BPTF: variants seen among roughly 807,000 people sequenced by gnomAD.
BPTF encodes bromodomain PHD finger transcription factor.
Under a neutral mutation model 292.5 loss-of-function variants are expected in BPTF, and 18 were observed. The ratio of observed to expected loss-of-function variants is 0.06; its 90% CI spans 0.04 to 0.09. BPTF has a LOEUF of 0.09. BPTF is among the 10% of genes least tolerant of loss of function. The probability of loss-of-function intolerance (pLI) is 1.00; values close to 1 mark genes in which losing one functional copy is unlikely to be tolerated. For missense variants in BPTF, 2,726 were observed against 3,498.7 expected (o/e 0.78, Z 5.57); for synonymous variants, 1,225 against 1,251.9 (o/e 0.98, Z 0.45).
Position 67,964,330 on chromosome 17 carries a change from G to A in BPTF, c.8380G>A (p.Asp2794Asn). 6.2e-7 allele frequency: 1 copy of A among 1,614,202 alleles called. No individual in the cohort carries two copies. Among genetic ancestry groups the A allele is most frequent in the Non-Finnish European group, 8.5e-7 (1 of 1,180,042 alleles). The change falls in exon 25 of 28, where the codon GAT becomes AAT. Residue 2794 changes from aspartate (D) to asparagine (N), a missense_variant. Physicochemically the swap from Asp to Asn is conservative, Grantham distance 23 (BLOSUM62 1). Transcript: ENST00000306378. ...YVCPQCQSTE[D>N]AMTVLTPLTE... ...CTGTCCACAGTGCCAGTCAACAGAGGATGCCATGACAGTGCTCACGCCACT... is the reference window on the plus strand; with the variant it reads ...CTGTCCACAGTGCCAGTCAACAGAGAATGCCATGACAGTGCTCACGCCACT...
intron 2 of BPTF, among the ~76,000 whole-genome samples, chr17:67,865,528 T>C (rs955594156): frequency 9.2e-5 from 14 of 152,184 alleles, no homozygotes; most frequent in African/African-American, 3.4e-4. Flanking sequence ...TGTCCACATA[T>C]CTTACAAGCA....
chr17:67,944,516 C>A, intron 20 of BPTF, 144 bp downstream of exon 20: 1 of 877,110 alleles, frequency 1.1e-6, no homozygotes, highest in Non-Finnish European at 1.7e-6. Context: ...GTCAGCCTCA[C>A]AACGTCTCGA....
chr17:67,853,415 G>A (rs1011177895), intron 1 of BPTF, among the ~76,000 whole-genome samples: 9 of 152,102 alleles, frequency 5.9e-5, no homozygotes, highest in Admixed American at 6.5e-5. Context: ...ACTCCACTTA[G>A]GAGGTACTTC....
At chr17:67,857,038 A>G (rs1281131011) in intron 2 of BPTF, among the ~76,000 whole-genome samples, 1 of 151,956 alleles carries the variant, frequency 6.6e-6, no homozygotes, top group East Asian at 1.9e-4. Flanking sequence ...GTTTGAGATC[A>G]GGCTTTCTTG....
intron 1 of BPTF, among the ~76,000 whole-genome samples, chr17:67,841,077 C>G (rs1599859): frequency 0.3 from 46,317 of 151,942 alleles, 8,419 homozygotes; most frequent in East Asian, 0.66. Flanking sequence ...TAACAACTCT[C>G]CCTAATCCAG....
At chr17:67,852,964 C>T (rs546130088) in intron 1 of BPTF, among the ~76,000 whole-genome samples, 18 of 152,290 alleles carry the variant, frequency 1.2e-4, no homozygotes, top group African/African-American at 4.1e-4. Context: ...GGTGAAACCC[C>T]ATCTCTACTA....
At position 67,912,555 on chromosome 17, in the gene BPTF, C is replaced by G; in HGVS notation, c.4671C>G (p.Leu1557=). The change falls in exon 11 of 28, where the codon CTC becomes CTG. Residue 1557 remains leucine, a synonymous_variant. Coordinates refer to ENST00000306378, the MANE Select transcript of BPTF (RefSeq NM_182641.4). ...SPITSEEESN[L]SNDFIDENGL... Reference sequence around the variant, plus strand: ...TTACTTCTGAAGAGGAATCTAATCTCAGTAATGACTTTATTGATGAAAATG... The same window carrying G: ...TTACTTCTGAAGAGGAATCTAATCTGAGTAATGACTTTATTGATGAAAATG... 1 of 1,613,858 alleles carries G rather than the reference C, an allele frequency of 6.2e-7. No homozygotes were observed. Among genetic ancestry groups the G allele is most frequent in the Non-Finnish European group, 8.5e-7 (1 of 1,179,908 alleles).
chr17:67,855,045 A>G lies in BPTF; in HGVS notation c.1436+283A>G, dbSNP rs2058609766. Among the ~76,000 whole-genome samples the G allele has an allele frequency of 2.6e-5, 4 of 152,198 alleles. No homozygotes were observed. In the South Asian group the frequency reaches 8.3e-4, roughly 31 times the overall value. On this transcript the variant is annotated intron_variant, in intron 2 of 27. Transcript: ENST00000306378. Reference sequence around the variant, plus strand: ...ACTGGGCACAGCAGCTCACGCCTGTAATCCCAGCACTTTGGGAGGCCAAGG... The same window carrying G: ...ACTGGGCACAGCAGCTCACGCCTGTGATCCCAGCACTTTGGGAGGCCAAGG...
intron 15 of BPTF, among the ~76,000 whole-genome samples, chr17:67,926,967 T>A (rs62085992): frequency 0.19 from 28,282 of 152,040 alleles, 3,642 homozygotes; most frequent in East Asian, 0.66. Context: ...CTCTAAGAGT[T>A]GAAAACTAAG....
intron 3 of BPTF, 131 bp downstream of exon 3, chr17:67,866,818 A>C: frequency 1.5e-6 from 1 of 671,694 alleles, no homozygotes; most frequent in South Asian, 1.9e-5. Flanking sequence ...ATGGGGATAC[A>C]TTCTGAAAAA....
chr17:67,902,837 A>G (rs923321281), intron 7 of BPTF, among the ~76,000 whole-genome samples: 8 of 152,236 alleles, frequency 5.3e-5, no homozygotes, highest in African/African-American at 1.7e-4. Flanking sequence ...AGAGCTGTGC[A>G]TGAGAAATTG....
chr17:67,926,256 A>G (rs984398644), intron 15 of BPTF, among the ~76,000 whole-genome samples: 2 of 149,178 alleles, frequency 1.3e-5, no homozygotes, highest in Admixed American at 6.7e-5. Flanking sequence ...CGATCTGCCT[A>G]CCAGGGCCTC....
chr17:67,891,764 A>G (rs1310750459), intron 4 of BPTF, 80 bp from the exon 5 acceptor site: 25 of 1,101,846 alleles, frequency 2.3e-5, no homozygotes, highest in Admixed American at 3.2e-5. Flanking sequence ...CATACACCAG[A>G]TACGAGTTTT....
intron 10 of BPTF, 101 bp downstream of exon 10, chr17:67,909,862 C>T (rs2062533118): frequency 1.0e-6 from 1 of 975,768 alleles, no homozygotes; most frequent in Non-Finnish European, 1.4e-6. Context: ...TTCTTGATAA[C>T]AGCTTTATCA....
At chr17:67,961,670 G>GTCTGGGCAACATTTTGT (rs2067504813) in intron 24 of BPTF, among the ~76,000 whole-genome samples, 1 of 152,026 alleles carries the variant, frequency 6.6e-6, no homozygotes, top group African/African-American at 2.4e-5. Context: ...AACATAGAGA[G>GTCTGGGCAACATTTTGT]ACCCCGTCTG....
intron 27 of BPTF, among the ~76,000 whole-genome samples, chr17:67,977,112 A>G (rs76206641): frequency 0.044 from 6,637 of 152,318 alleles, 185 homozygotes; most frequent in South Asian, 0.13. Flanking sequence ...AGAAAAAATG[A>G]TTGTCAGCCT....
intron 9 of BPTF, among the ~76,000 whole-genome samples, chr17:67,906,627 C>T (rs1481274748): frequency 6.6e-6 from 1 of 152,202 alleles, no homozygotes; most frequent in Non-Finnish European, 1.5e-5. Flanking sequence ...CTATCCTGCT[C>T]TTGACAGGAT....
At chr17:67,967,536 A>G (rs947136796) in intron 26 of BPTF, among the ~76,000 whole-genome samples, 1 of 150,934 alleles carries the variant, frequency 6.6e-6, no homozygotes, top group Non-Finnish European at 1.5e-5. Flanking sequence ...TTACAAAAAC[A>G]TTGGAAATGG....
intron 27 of BPTF, among the ~76,000 whole-genome samples, chr17:67,979,218 A>T (rs1372635768): frequency 6.7e-6 from 1 of 148,338 alleles, no homozygotes; most frequent in Non-Finnish European, 1.5e-5. Flanking sequence ...ACTAGGTGCT[A>T]CAGAGAAAAA....
Sources: gnomAD v4.1 joint callset for allele counts (sites outside exome capture counted in the v4.1 genomes callset) on GRCh38, gnomAD v4.1.1 for gene constraint, MANE v1.5 for transcripts, NCBI Gene and HGNC (gene_info 2026-07-23, HGNC 2026-07-21) for gene names.